GSAP: variants seen among roughly 807,000 people sequenced by gnomAD.
The protein encoded by GSAP is gamma-secretase activating protein, also known as gamma-secretase-activating protein.
GSAP carries 118 observed loss-of-function variants against 131.7 expected under a neutral mutation model. That is an observed-to-expected ratio of 0.90 (90% CI 0.77 to 1.04). GSAP has a LOEUF of 1.04. GSAP is among the 50% of genes least tolerant of loss of function. GSAP has a pLI of 0.00. For missense variants in GSAP, 1,019 were observed against 1,013.2 expected, an observed-to-expected ratio of 1.01 and a Z score of -0.08; for synonymous variants, 381 against 363.4, an observed-to-expected ratio of 1.05 and a Z score of -0.55.
intron 19 of GSAP, among the ~76,000 whole-genome samples, chr7:77,337,681 C>T (rs1790244515): frequency 6.6e-6 from 1 of 152,182 alleles, no homozygotes; most frequent in Non-Finnish European, 1.5e-5. Context: ...TCAACAATCT[C>T]TAACAAGTGA....
chr7:77,410,419 T>C (rs1332881898), intron 1 of GSAP, among the ~76,000 whole-genome samples: 2 of 152,244 alleles, frequency 1.3e-5, no homozygotes, highest in African/African-American at 4.8e-5. Flanking sequence ...TTATTCATTC[T>C]GACTCTTCTC....
chr7:77,374,973 T>C (rs961780973), intron 11 of GSAP, 85 bp downstream of exon 11: 21 of 633,608 alleles, frequency 3.3e-5, no homozygotes, highest in Non-Finnish European at 1.4e-5. Context: ...TCTCTTTTTA[T>C]CTGCATAATA....
chr7:77,353,691 C>T (rs1014102010), intron 16 of GSAP, 50 bp from the exon 17 acceptor site: 16 of 1,093,000 alleles, frequency 1.5e-5, no homozygotes, highest in Non-Finnish European at 2.0e-5. Flanking sequence ...TGCTCTCTGC[C>T]TCCACTACCA....
At chr7:77,367,864 T>C (rs1795547234) in intron 12 of GSAP, among the ~76,000 whole-genome samples, 1 of 152,228 alleles carries the variant, frequency 6.6e-6, no homozygotes, top group South Asian at 2.1e-4. Context: ...TATATATTAC[T>C]GATTCAATTT....
intron 18 of GSAP, chr7:77,351,590 T>C (rs571745445): frequency 1.0e-6 from 1 of 985,814 alleles, no homozygotes; most frequent in South Asian, 4.7e-5. Context: ...ATTAGTTCAG[T>C]ACAGGGAGGT....
chr7:77,324,791 G>T (rs1788098398), intron 23 of GSAP, among the ~76,000 whole-genome samples: 2 of 136,482 alleles, frequency 1.5e-5, no homozygotes, highest in African/African-American at 2.8e-5. Context: ...CCATTCTAAT[G>T]TTGCATGTTT....
intron 3 of GSAP, among the ~76,000 whole-genome samples, chr7:77,403,073 C>T (rs1484914387): frequency 6.6e-6 from 1 of 152,156 alleles, no homozygotes; most frequent in Non-Finnish European, 1.5e-5. Flanking sequence ...AGGAATATGA[C>T]CACAAAAGAT....
intron 19 of GSAP, among the ~76,000 whole-genome samples, chr7:77,348,062 A>G (rs1584407513): frequency 2.0e-5 from 3 of 152,104 alleles, no homozygotes; most frequent in Non-Finnish European, 4.4e-5. Flanking sequence ...CCAACCACTC[A>G]GGAGGCTGAG....
intron 28 of GSAP, 40 bp downstream of exon 28, chr7:77,313,448 C>A (rs763930625): frequency 9.1e-7 from 1 of 1,094,458 alleles, no homozygotes; most frequent in East Asian, 2.4e-5. Context: ...GAGGGTAATG[C>A]CAAAGCTTAG....
chr7:77,365,895 T>G (rs1051583468), intron 12 of GSAP, among the ~76,000 whole-genome samples: 1 of 135,552 alleles, frequency 7.4e-6, no homozygotes, highest in African/African-American at 2.7e-5. Context: ...CCAGCAACTG[T>G]GGGTTTTTTT....
intron 12 of GSAP, among the ~76,000 whole-genome samples, chr7:77,372,961 T>C (rs1311503534): frequency 6.6e-6 from 1 of 152,046 alleles, no homozygotes; most frequent in African/African-American, 2.4e-5. Flanking sequence ...TATGAAGGGA[T>C]GAGTACAGCT....
intron 6 of GSAP, among the ~76,000 whole-genome samples, chr7:77,386,667 G>A (rs1211488416): frequency 6.6e-6 from 1 of 152,062 alleles, no homozygotes; most frequent in Non-Finnish European, 1.5e-5. Context: ...GCTATTCCTG[G>A]AAGCCGTTTA....
Position 77,311,246 on chromosome 7 carries a change from T to C in GSAP, c.*112A>G. On this transcript the variant is annotated 3_prime_UTR_variant, in exon 31 of 31. Transcript: ENST00000257626. ...TGAAACTCACATGGCTAAACAATTA[T>C]GGCTAAACTATTTTTGTTACCAATT... is the stretch of plus-strand genomic sequence containing the variant. 2 of 719,596 alleles carry C rather than the reference T, an allele frequency of 2.8e-6. No homozygotes were observed. Among genetic ancestry groups the C allele is most frequent in the Non-Finnish European group, 4.9e-6 (2 of 409,984 alleles). The allele number at this position is 719,596 out of a possible 1,614,324, so 44.6% of individuals were successfully genotyped here.
intron 6 of GSAP, among the ~76,000 whole-genome samples, chr7:77,383,910 T>C (rs1798149783): frequency 6.6e-6 from 1 of 152,234 alleles, no homozygotes; most frequent in Admixed American, 6.5e-5. Context: ...AGATTAAAAA[T>C]AGTACTAGTC....
chr7:77,318,891 A>G (rs994484859), intron 26 of GSAP, among the ~76,000 whole-genome samples: 2 of 127,884 alleles, frequency 1.6e-5, no homozygotes, highest in African/African-American at 5.9e-5. Context: ...TCTGCACAGC[A>G]AAGGAAACGA....
intron 18 of GSAP, among the ~76,000 whole-genome samples, chr7:77,350,706 G>A (rs1792735555): frequency 6.6e-6 from 1 of 152,028 alleles, no homozygotes; most frequent in South Asian, 2.1e-4. Flanking sequence ...CTGCACCATT[G>A]CACTCCAGAC....
intron 14 of GSAP, among the ~76,000 whole-genome samples, chr7:77,358,729 A>G (rs528561466): frequency 1.1e-4 from 17 of 152,356 alleles, no homozygotes; most frequent in Admixed American, 7.2e-4. Context: ...GTTATGTTGC[A>G]TACCGTTTGG....
At chr7:77,322,130 A>G (rs1309965648) in intron 24 of GSAP, among the ~76,000 whole-genome samples, 2 of 152,254 alleles carry the variant, frequency 1.3e-5, no homozygotes, top group Non-Finnish European at 2.9e-5. Flanking sequence ...AAGCAGAAGG[A>G]TCTCCATAGA....
rs112312776 is a variant in GSAP, at chr7:77,375,045, A to C, written c.785+13T>G. 1.1e-4 allele frequency: 140 copies of C among 1,325,312 alleles called. 1 individual carries two copies. The African/African-American group carries it at 1.8e-3, about 17-fold the overall frequency. 82.1% of individuals were successfully genotyped at this position (1,325,312 alleles called of 1,614,324 possible). A position where few individuals can be genotyped will look rare whatever the true frequency, so the allele number is the denominator to read the frequency against. On this transcript the variant is annotated intron_variant, in intron 11 of 30. Transcript: ENST00000257626. ...TATCTATAAAAATTAGTAACAACCT[A>C]TGAATAACTTACTTAAATCCTGAGT...
Sources: gnomAD v4.1 joint callset for allele counts (sites outside exome capture counted in the v4.1 genomes callset) on GRCh38, gnomAD v4.1.1 for gene constraint, MANE v1.5 for transcripts, NCBI Gene and HGNC (gene_info 2026-07-23, HGNC 2026-07-21) for gene names.